ZNF385D: variants seen among roughly 807,000 people sequenced by gnomAD.
ZNF385D encodes the protein zinc finger protein 385D, also known as zinc finger protein 659.
A neutral mutation model predicts 35.8 loss-of-function variants in ZNF385D; 15 were observed. That is an observed-to-expected ratio of 0.42 (90% CI 0.28 to 0.64). ZNF385D has a LOEUF of 0.64. Ranked by LOEUF, ZNF385D falls within the 30% of genes least tolerant of loss-of-function variation. ZNF385D has a pLI of 0.23. For missense variants in ZNF385D, 474 were observed against 494.6 expected (o/e 0.96, Z 0.39); for synonymous variants, 212 against 186.8 (o/e 1.13, Z -1.10).
chr3:22,181,358 A>G (rs1485566720), intron 2 of ZNF385D, among the ~76,000 whole-genome samples: 1 of 151,758 alleles, frequency 6.6e-6, no homozygotes, highest in African/African-American at 2.4e-5. Flanking sequence ...TCCACAGTCC[A>G]CTCTCCTGGA....
intron 3 of ZNF385D, among the ~76,000 whole-genome samples, chr3:22,070,003 T>C (rs571119717): frequency 6.6e-6 from 1 of 152,336 alleles, no homozygotes; most frequent in Admixed American, 6.5e-5. Flanking sequence ...TACTTTACTA[T>C]TCTTGGTACT....
intron 1 of ZNF385D, among the ~76,000 whole-genome samples, chr3:21,671,638 AAAC>A (rs1575434456): frequency 1.3e-5 from 2 of 152,200 alleles, no homozygotes; most frequent in African/African-American, 4.8e-5. Context: ...TTTTGAACTA[AAAC>A]AACAATATGA....
At chr3:21,694,924 A>G (rs2067418393) in intron 1 of ZNF385D, among the ~76,000 whole-genome samples, 1 of 152,202 alleles carries the variant, frequency 6.6e-6, no homozygotes, top group Admixed American at 6.5e-5. Flanking sequence ...GCAGAGAGGA[A>G]GGGAAGAAGG....
At chr3:21,898,888 T>C (rs2125894467) in intron 3 of ZNF385D, among the ~76,000 whole-genome samples, 1 of 152,298 alleles carries the variant, frequency 6.6e-6, no homozygotes, top group East Asian at 1.9e-4. Flanking sequence ...CCAGTTTTAC[T>C]GGACAGGAAA....
At chr3:22,093,305 C>T (rs572201978) in intron 3 of ZNF385D, among the ~76,000 whole-genome samples, 77 of 151,698 alleles carry the variant, frequency 5.1e-4, no homozygotes, top group Non-Finnish European at 9.9e-4. Flanking sequence ...TTAATATATG[C>T]GCATTGACCT....
chr3:22,346,427 A>T (rs1695662504), intron 2 of ZNF385D, among the ~76,000 whole-genome samples: 1 of 152,238 alleles, frequency 6.6e-6, no homozygotes, highest in Non-Finnish European at 1.5e-5. Context: ...AGTTAAATTT[A>T]TAAAGCATTT....
At chr3:21,760,745 C>A (rs1575603269) in intron 3 of ZNF385D, among the ~76,000 whole-genome samples, 3 of 152,196 alleles carry the variant, frequency 2.0e-5, no homozygotes, top group African/African-American at 7.2e-5. Flanking sequence ...TTTTCACTGA[C>A]TACTAGAAAG....
chr3:21,668,928 A>G, intron 1 of ZNF385D, among the ~76,000 whole-genome samples: 1 of 152,298 alleles, frequency 6.6e-6, no homozygotes, highest in Non-Finnish European at 1.5e-5. Context: ...AAACATGAAA[A>G]TGTATAATAG....
chr3:22,248,502 A>G (rs181569065), intron 2 of ZNF385D, among the ~76,000 whole-genome samples: 25 of 152,266 alleles, frequency 1.6e-4, no homozygotes, highest in Admixed American at 1.4e-3. Flanking sequence ...ATTTATATAC[A>G]ATTTAGACAA....
At chr3:22,327,147 T>C (rs1158347353) in intron 2 of ZNF385D, among the ~76,000 whole-genome samples, 1 of 152,186 alleles carries the variant, frequency 6.6e-6, no homozygotes, top group African/African-American at 2.4e-5. Context: ...TGTTCTTTTT[T>C]TAATCTCACC....
chr3:21,683,485 T>C (rs1486369979), intron 1 of ZNF385D, among the ~76,000 whole-genome samples: 1 of 149,342 alleles, frequency 6.7e-6, no homozygotes, highest in Non-Finnish European at 1.5e-5. Context: ...GGTCACGGTG[T>C]TGTGCATCTG....
chr3:21,899,916 A>G (rs1699315536), intron 3 of ZNF385D, among the ~76,000 whole-genome samples: 1 of 152,140 alleles, frequency 6.6e-6, no homozygotes, highest in African/African-American at 2.4e-5. Context: ...TAATAAACAG[A>G]CCAGTTGAAT....
At chr3:22,139,527 A>C (rs1025143886) in intron 3 of ZNF385D, among the ~76,000 whole-genome samples, 116 of 150,910 alleles carry the variant, frequency 7.7e-4, no homozygotes, top group South Asian at 1.5e-3. Context: ...AACAAACCAA[A>C]CACCTCATGT....
At chr3:22,290,876 A>G (rs1008404024) in intron 2 of ZNF385D, among the ~76,000 whole-genome samples, 1 of 152,058 alleles carries the variant, frequency 6.6e-6, no homozygotes. Context: ...GCTCTGTAGT[A>G]TCCATTTGCC....
chr3:22,088,882 T>C (rs867361352), intron 3 of ZNF385D, among the ~76,000 whole-genome samples: 2 of 151,894 alleles, frequency 1.3e-5, no homozygotes, highest in Non-Finnish European at 1.5e-5. Flanking sequence ...TATACCTAAA[T>C]AGCATCAAGA....
intron 1 of ZNF385D, among the ~76,000 whole-genome samples, chr3:21,709,602 G>A (rs1013293299): frequency 2.0e-5 from 3 of 152,086 alleles, no homozygotes; most frequent in Admixed American, 2.0e-4. Flanking sequence ...AATGATATTA[G>A]AACTAAACAC....
intron 2 of ZNF385D, among the ~76,000 whole-genome samples, chr3:21,642,260 C>T (rs1375868659): frequency 6.6e-6 from 1 of 152,088 alleles, no homozygotes; most frequent in African/African-American, 2.4e-5. Context: ...ACTGGCAACC[C>T]ATTTCTCCAA....
At chr3:21,689,768 C>G (rs1316925155) in intron 1 of ZNF385D, among the ~76,000 whole-genome samples, 1 of 151,964 alleles carries the variant, frequency 6.6e-6, no homozygotes, top group Non-Finnish European at 1.5e-5. Flanking sequence ...CTTAGAATTT[C>G]ATTTCTAAGA....
chr3:22,030,283 A>ATATATATGTATATATATATATGTATG (rs1559316557), intron 3 of ZNF385D, among the ~76,000 whole-genome samples: 3 of 97,966 alleles, frequency 3.1e-5, no homozygotes, highest in African/African-American at 8.0e-5. Flanking sequence ...ATATATATAT[A>ATATATATGTATATATATATATGTATG]TATATATATA....
Sources: allele counts gnomAD v4.1 joint callset (sites outside exome capture counted in the v4.1 genomes callset), GRCh38; gene constraint gnomAD v4.1.1; transcripts MANE v1.5; gene names NCBI Gene and HGNC (gene_info 2026-07-23, HGNC 2026-07-21).